Variants in KIF6 observed in about 807,000 individuals in gnomAD.
KIF6 encodes kinesin family member 6.
KIF6 carries 106 observed loss-of-function variants against 112.7 expected under a neutral mutation model. The ratio of observed to expected loss-of-function variants is 0.94; its 90% CI spans 0.80 to 1.11. KIF6 has a LOEUF of 1.11. Ranked by LOEUF, KIF6 falls within the 50% of genes least tolerant of loss-of-function variation. The pLI, the probability that KIF6 is intolerant of heterozygous loss-of-function variation, is 0.00. For missense variants in KIF6, 929 were observed against 964.0 expected, an observed-to-expected ratio of 0.96 and a Z score of 0.48; for synonymous variants, 339 against 339.9, an observed-to-expected ratio of 1.00 and a Z score of 0.03.
intron 3 of KIF6, among the ~76,000 whole-genome samples, chr6:39,696,099 T>C (rs1159919014): frequency 1.3e-5 from 2 of 151,760 alleles, no homozygotes; most frequent in Non-Finnish European, 2.9e-5. Context: ...GACACAAAGA[T>C]GGGAACAATA....
At chr6:39,567,850 G>A (rs367991604) in intron 10 of KIF6, among the ~76,000 whole-genome samples, 9 of 152,018 alleles carry the variant, frequency 5.9e-5, no homozygotes, top group Non-Finnish European at 4.4e-5. Context: ...CTCGTGATCC[G>A]CCCGCCTTGG....
At chr6:39,652,961 A>C (rs1206079425) in intron 3 of KIF6, among the ~76,000 whole-genome samples, 1 of 152,246 alleles carries the variant, frequency 6.6e-6, no homozygotes, top group Admixed American at 6.5e-5. Flanking sequence ...TCTCCACAGA[A>C]GTTAGTAGGA....
At chr6:39,391,233 T>C (rs1306241130) in intron 15 of KIF6, among the ~76,000 whole-genome samples, 1 of 152,200 alleles carries the variant, frequency 6.6e-6, no homozygotes, top group Non-Finnish European at 1.5e-5. Flanking sequence ...GCTGAGGCCT[T>C]GAACTTGCAA....
intron 3 of KIF6, among the ~76,000 whole-genome samples, chr6:39,643,356 T>G (rs1785006219): frequency 6.6e-6 from 1 of 152,154 alleles, no homozygotes; most frequent in East Asian, 1.9e-4. Flanking sequence ...GGACACAGAA[T>G]AGCTAAAACA....
intron 13 of KIF6, among the ~76,000 whole-genome samples, chr6:39,474,009 G>A (rs1017982532): frequency 6.6e-6 from 1 of 152,072 alleles, no homozygotes; most frequent in Admixed American, 6.5e-5. Flanking sequence ...TGGAAAATCC[G>A]ATCCCCGAAA....
In KIF6 at chr6:39,360,398, C is replaced by T. The variant is rs1288677056; in HGVS notation, c.2079G>A (p.Leu693=). The T allele has an allele frequency of 1.9e-6, 3 of 1,614,038 alleles. No homozygotes were observed. Among genetic ancestry groups the T allele is most frequent in the Non-Finnish European group, 2.5e-6 (3 of 1,180,004 alleles). Reference sequence around the variant, plus strand: ...CCTGATGTTCCCCAGGCCATACCTGCAGGTTGGTGGCCTCCTCTGCCCACC... The same window carrying T: ...CCTGATGTTCCCCAGGCCATACCTGTAGGTTGGTGGCCTCCTCTGCCCACC... The part of the protein sequence containing the change: ...EVWWAEEATN[L]QVNSPAVNSL... Residue 693 remains leucine (L), a synonymous_variant, in exon 18 of 23, where the codon CTG becomes CTA. Coordinates refer to ENST00000287152, the MANE Select transcript of KIF6 (RefSeq NM_145027.6).
intron 22 of KIF6, among the ~76,000 whole-genome samples, chr6:39,337,146 TTCTC>T (rs1197653120): frequency 4.1e-5 from 5 of 121,146 alleles, no homozygotes; most frequent in Admixed American, 8.1e-5. Context: ...CTTCCTTCCT[TTCTC>T]TTTCTTTTCT....
chr6:39,346,081 T>TCTCC lies in KIF6; in HGVS notation c.2232-293_2232-292insGGAG, dbSNP rs1562112823. ...CTCTCTCTCTCTCTCTCTCTCTCTC[T>TCTCC]CTCTCCCCCCCCTCTCCCTCCCCCC... On this transcript the variant is annotated intron_variant, in intron 20 of 22. Coordinates refer to ENST00000287152, the MANE Select transcript of KIF6 (RefSeq NM_145027.6). Among the ~76,000 whole-genome samples the TCTCC allele has an allele frequency of 6.2e-3, 147 of 23,856 alleles. 6 individuals carry two copies. Among genetic ancestry groups the TCTCC allele is most frequent in the African/African-American group, 0.034 (117 of 3,402 alleles). The allele number at this position is 23,856 out of a possible 152,430, so 15.7% of individuals were successfully genotyped here. A position where few individuals can be genotyped will look rare whatever the true frequency, so the allele number is the denominator to read the frequency against.
chr6:39,508,421 G>C (rs1776566935), intron 13 of KIF6, among the ~76,000 whole-genome samples: 1 of 152,160 alleles, frequency 6.6e-6, no homozygotes, highest in Non-Finnish European at 1.5e-5. Context: ...GCCTCACCTG[G>C]GAAGTGCAAG....
chr6:39,476,645 A>C (rs190219003), intron 13 of KIF6, among the ~76,000 whole-genome samples: 44 of 152,312 alleles, frequency 2.9e-4, no homozygotes, highest in Admixed American at 2.6e-3. Context: ...AAAACCACTT[A>C]ACCATACCAG....
At chr6:39,454,531 C>CA (rs560119968) in intron 13 of KIF6, among the ~76,000 whole-genome samples, 16,100 of 75,810 alleles carry the variant, frequency 0.21, 1,622 homozygotes, top group Middle Eastern at 0.38. Flanking sequence ...CTGAGAGCAT[C>CA]AAAAAAAAAA....
At chr6:39,697,693 C>T (rs984166534) in intron 3 of KIF6, among the ~76,000 whole-genome samples, 8 of 152,102 alleles carry the variant, frequency 5.3e-5, no homozygotes, top group African/African-American at 1.9e-4. Flanking sequence ...CAGGCACACA[C>T]CACCACACTT....
intron 3 of KIF6, among the ~76,000 whole-genome samples, chr6:39,695,276 A>G: frequency 6.6e-6 from 1 of 152,204 alleles, no homozygotes; most frequent in East Asian, 1.9e-4. Context: ...TTATAACTTA[A>G]GTTCTCAAGA....
chr6:39,523,716 T>C (rs1379455253), intron 13 of KIF6, among the ~76,000 whole-genome samples: 1 of 135,364 alleles, frequency 7.4e-6, no homozygotes, highest in Non-Finnish European at 1.6e-5. Flanking sequence ...TTTGAAGATG[T>C]TGTTCAACTA....
At chr6:39,483,880 T>G (rs1244518726) in intron 13 of KIF6, among the ~76,000 whole-genome samples, 1 of 152,228 alleles carries the variant, frequency 6.6e-6, no homozygotes, top group East Asian at 1.9e-4. Flanking sequence ...GCTGTTCTAT[T>G]CATTCCAAAA....
At chr6:39,402,377 C>G (rs1290022008) in intron 15 of KIF6, among the ~76,000 whole-genome samples, 1 of 152,132 alleles carries the variant, frequency 6.6e-6, no homozygotes. Flanking sequence ...GTGCTGTGCC[C>G]GGCAGAAACT....
chr6:39,448,237 C>T (rs1267748596), intron 13 of KIF6, among the ~76,000 whole-genome samples: 4 of 151,956 alleles, frequency 2.6e-5, no homozygotes, highest in Non-Finnish European at 2.9e-5. Context: ...TGCAGTGGTG[C>T]GATCTTGGCT....
intron 3 of KIF6, among the ~76,000 whole-genome samples, chr6:39,640,558 C>T (rs17594154): frequency 0.12 from 18,229 of 152,086 alleles, 1,523 homozygotes; most frequent in South Asian, 0.24. Flanking sequence ...ACGATGACAT[C>T]AGCTATTGGT....
In KIF6 at chr6:39,620,891, C is replaced by G. The variant is rs1266178220; in HGVS notation, c.510-7573G>C. On this transcript the variant is annotated intron_variant, in intron 5 of 22. Transcript: ENST00000287152. ...TCAAGCGATTCTCCTGCCTCAGTCT[C>G]CCAAGTAGCTGAGATTACAGGTGCT... Among the ~76,000 whole-genome samples the G allele has an allele frequency of 2.6e-5, 4 of 152,172 alleles. No individual in the cohort carries two copies. In the East Asian group the frequency reaches 7.7e-4, roughly 29 times the overall value.
Sources: gnomAD v4.1 joint callset for allele counts (sites outside exome capture counted in the v4.1 genomes callset) on GRCh38, gnomAD v4.1.1 for gene constraint, MANE v1.5 for transcripts, NCBI Gene and HGNC (gene_info 2026-07-23, HGNC 2026-07-21) for gene names.